EIF4E: variants seen among roughly 807,000 people sequenced by gnomAD.
EIF4E encodes the protein eIF-4F 25 kDa subunit.
For missense variants in EIF4E, 113 were observed against 265.6 expected (o/e 0.43, Z 3.99); for synonymous variants, 71 against 88.5 (o/e 0.80, Z 1.11).
intron 1 of EIF4E, among the ~76,000 whole-genome samples, chr4:98,914,233 G>A (rs1279269547): frequency 2.0e-5 from 3 of 151,648 alleles, no homozygotes; most frequent in Non-Finnish European, 4.4e-5. Flanking sequence ...GCGCATGCCT[G>A]TAATCCCAGC....
chr4:98,928,825 C>A (rs781471813), intron 1 of EIF4E: 1 of 1,521,744 alleles, frequency 6.6e-7, no homozygotes, highest in African/African-American at 1.4e-5. Flanking sequence ...CCTGTAGACA[C>A]CTCGCGGTTC....
chr4:98,883,457 G>T (rs1238902012), intron 6 of EIF4E, among the ~76,000 whole-genome samples: 1 of 133,276 alleles, frequency 7.5e-6, no homozygotes, highest in Non-Finnish European at 1.5e-5. Context: ...GGAGCGCAGT[G>T]GCCCAATCTT....
chr4:98,910,523 AAAT>A (rs1425455541), intron 1 of EIF4E, among the ~76,000 whole-genome samples: 1 of 152,236 alleles, frequency 6.6e-6, no homozygotes, highest in African/African-American at 2.4e-5. Context: ...CTGTTTATTT[AAAT>A]AATAACCTAA....
intron 1 of EIF4E, among the ~76,000 whole-genome samples, chr4:98,915,617 T>C (rs1383285158): frequency 2.6e-5 from 4 of 151,748 alleles, no homozygotes; most frequent in Non-Finnish European, 2.9e-5. Context: ...CTTGGCTCAC[T>C]GCAACCTCCA....
At chr4:98,897,427 T>C (rs1353732726) in intron 2 of EIF4E, among the ~76,000 whole-genome samples, 1 of 151,888 alleles carries the variant, frequency 6.6e-6, no homozygotes. Context: ...AAAAATTAGA[T>C]GGGCATGGTG....
intron 3 of EIF4E, 89 bp from the exon 4 acceptor site, chr4:98,888,041 G>T: frequency 9.1e-7 from 1 of 1,094,774 alleles, no homozygotes; most frequent in South Asian, 1.5e-5. Flanking sequence ...AACATATGAT[G>T]AAAATAAACA....
chr4:98,929,059 G>A, intron 1 of EIF4E, 36 bp downstream of exon 1: 1 of 1,576,776 alleles, frequency 6.3e-7, no homozygotes, highest in Non-Finnish European at 8.6e-7. Context: ...CGGAGCGCGG[G>A]GACCCGTGGG....
intron 2 of EIF4E, among the ~76,000 whole-genome samples, chr4:98,892,361 A>C (rs1216945180): frequency 6.7e-6 from 1 of 149,458 alleles, no homozygotes; most frequent in Non-Finnish European, 1.5e-5. Context: ...AACAAAAAAA[A>C]CACAGCAGAC....
At chr4:98,903,179 A>C (rs1170842992) in intron 1 of EIF4E, among the ~76,000 whole-genome samples, 1 of 152,196 alleles carries the variant, frequency 6.6e-6, no homozygotes, top group African/African-American at 2.4e-5. Context: ...AGAGCCAAAG[A>C]AAGGCACTAG....
chr4:98,908,235 G>A (rs371290007), intron 1 of EIF4E, among the ~76,000 whole-genome samples: 8 of 152,190 alleles, frequency 5.3e-5, no homozygotes, highest in South Asian at 2.1e-4. Context: ...GAAAGAACTC[G>A]TGATTAAGTT....
intron 2 of EIF4E, among the ~76,000 whole-genome samples, chr4:98,894,643 T>C (rs1724289438): frequency 6.6e-6 from 1 of 152,212 alleles, no homozygotes; most frequent in South Asian, 2.1e-4. Flanking sequence ...TAAGGGAATG[T>C]TGTAGCTGGT....
chr4:98,921,869 G>A (rs951502417), intron 1 of EIF4E, among the ~76,000 whole-genome samples: 1 of 152,146 alleles, frequency 6.6e-6, no homozygotes, highest in Non-Finnish European at 1.5e-5. Context: ...AAATTAGAAA[G>A]GGGGAGAAGG....
At position 98,887,037 on chromosome 4, in the gene EIF4E, CAAAACTACCTCT is replaced by C; in HGVS notation, c.399+30_399+41del. 6.3e-7 allele frequency: 1 copy of C among 1,595,042 alleles called. No individual in the cohort carries two copies. The highest frequency in any genetic ancestry group is 1.1e-5 in the South Asian group (1 of 90,594). The stretch of plus-strand genomic sequence containing the variant: ...TAACATATCTTAAGTATCAGTATTC[CAAAACTACCTCT>C]AAAACTGCTTTATACTTTTAAAACC... On this transcript the variant is annotated intron_variant, in intron 5 of 6. Coordinates refer to ENST00000450253, the MANE Select transcript of EIF4E (RefSeq NM_001968.5). The surrounding 1 kb of genome is among the most constrained non-coding windows in gnomAD (Gnocchi z 4.0).
chr4:98,900,923 T>C (rs1390205006), intron 2 of EIF4E, among the ~76,000 whole-genome samples: 1 of 152,246 alleles, frequency 6.6e-6, no homozygotes, highest in Admixed American at 6.5e-5. Context: ...TTTCTCATTC[T>C]CAGTCCAACT....
chr4:98,924,022 CTA>C, intron 1 of EIF4E, among the ~76,000 whole-genome samples: 1 of 152,048 alleles, frequency 6.6e-6, no homozygotes, highest in East Asian at 1.9e-4. Flanking sequence ...AAAAAAGTCT[CTA>C]TGACTAAGAT....
intron 1 of EIF4E, among the ~76,000 whole-genome samples, chr4:98,920,405 A>C (rs1422934849): frequency 6.6e-6 from 1 of 152,028 alleles, no homozygotes; most frequent in Non-Finnish European, 1.5e-5. Context: ...GGTTCAAGCA[A>C]TTCTCTTGCC....
chr4:98,889,260 A>G (rs1460208935), intron 3 of EIF4E, among the ~76,000 whole-genome samples: 4 of 152,190 alleles, frequency 2.6e-5, no homozygotes, highest in Non-Finnish European at 5.9e-5. Context: ...AGACCACATA[A>G]GGTTTGCTGA....
At chr4:98,896,195 C>CAATAA (rs374560295) in intron 2 of EIF4E, among the ~76,000 whole-genome samples, 4,049 of 135,022 alleles carry the variant, frequency 0.03, 303 homozygotes, top group African/African-American at 0.14. Context: ...GCTCCATCTC[C>CAATAA]AATAAAATAA....
intron 1 of EIF4E, among the ~76,000 whole-genome samples, chr4:98,919,064 TTTGG>T (rs1186253034): frequency 6.6e-6 from 1 of 152,058 alleles, no homozygotes; most frequent in African/African-American, 2.4e-5. Flanking sequence ...ATCCCAGCAC[TTTGG>T]GAGGCTGAGG....
Sources: allele counts gnomAD v4.1 joint callset (sites outside exome capture counted in the v4.1 genomes callset), GRCh38; gene constraint gnomAD v4.1.1; non-coding constraint Gnocchi (gnomAD v3.1); transcripts MANE v1.5; gene names NCBI Gene and HGNC (gene_info 2026-07-23, HGNC 2026-07-21).